The following YEATS2 variants were observed in gnomAD, a reference collection of about 807,000 sequenced individuals.
YEATS2 encodes the protein YEATS domain containing 2, also known as YEATS domain-containing protein 2.
YEATS2 carries 77 observed loss-of-function variants against 163.2 expected under a neutral mutation model. That is an observed-to-expected ratio of 0.47 (90% CI 0.39 to 0.57). YEATS2 has a LOEUF of 0.57. Among genes scored for constraint, YEATS2 ranks in the 20% least tolerant of loss-of-function variants. YEATS2 has a pLI of 0.00. For synonymous variants in YEATS2, 631 were observed against 645.1 expected (o/e 0.98, Z 0.33); for missense variants, 1,549 against 1,729.8 (o/e 0.90, Z 1.85).
chr3:183,725,862 G>A (rs1237008358), intron 6 of YEATS2, among the ~76,000 whole-genome samples: 2 of 152,172 alleles, frequency 1.3e-5, no homozygotes, highest in Admixed American at 1.3e-4. Context: ...TGAAATGGGA[G>A]GATGTAAGTG....
At chr3:183,716,107 C>A (rs1268211416) in intron 2 of YEATS2, among the ~76,000 whole-genome samples, 1 of 151,968 alleles carries the variant, frequency 6.6e-6, no homozygotes, top group Non-Finnish European at 1.5e-5. Context: ...CTACAGGCAC[C>A]CGCCACCACG....
intron 7 of YEATS2, among the ~76,000 whole-genome samples, chr3:183,735,501 A>G (rs1455015291): frequency 6.6e-6 from 1 of 152,052 alleles, no homozygotes; most frequent in Non-Finnish European, 1.5e-5. Flanking sequence ...GGTATTTATT[A>G]ATTTCTCTGC....
intron 2 of YEATS2, among the ~76,000 whole-genome samples, 160 bp downstream of exon 2, chr3:183,715,422 G>A (rs1715742771): frequency 6.6e-6 from 1 of 152,178 alleles, no homozygotes; most frequent in Non-Finnish European, 1.5e-5. Context: ...AATACACCAT[G>A]TGTGCTGTAA....
At position 183,804,089 on chromosome 3, in the gene YEATS2, T is replaced by TGG. The variant is rs1725946753; in HGVS notation, c.3686_3687dup (p.Cys1230GlyfsTer15). On this transcript the variant is annotated frameshift_variant, in exon 27 of 31. Coordinates refer to ENST00000305135, the MANE Select transcript of YEATS2 (RefSeq NM_018023.5). LOFTEE classifies it high-confidence loss of function. ...CCTCAAAACCAAGCACATCGCTCAC[T>TGG]GGTGCCGCTGTCATGGCTACACCCC... 6.2e-7 allele frequency: 1 copy of TGG among 1,614,040 alleles called. No individual in the cohort carries two copies. Among genetic ancestry groups the TGG allele is most frequent in the Non-Finnish European group, 8.5e-7 (1 of 1,180,042 alleles).
intron 1 of YEATS2, among the ~76,000 whole-genome samples, chr3:183,708,467 T>G (rs925970186): frequency 1.2e-4 from 19 of 152,214 alleles, no homozygotes; most frequent in Admixed American, 8.5e-4. Flanking sequence ...AGCTAAGACC[T>G]CGAATTTCCA....
At chr3:183,800,706 A>G (rs912361178) in intron 24 of YEATS2, 138 bp downstream of exon 24, 1 of 652,166 alleles carries the variant, frequency 1.5e-6, no homozygotes, top group African/African-American at 1.8e-5. Flanking sequence ...TGCAGTGGAC[A>G]AGTGTTACCA....
intron 1 of YEATS2, among the ~76,000 whole-genome samples, chr3:183,702,207 G>A (rs546176460): frequency 6.6e-6 from 1 of 152,176 alleles, no homozygotes; most frequent in Non-Finnish European, 1.5e-5. Flanking sequence ...CACTTTGGGA[G>A]GCCAAGGCGG....
rs1350908710 is a variant in YEATS2, at chr3:183,775,974, G to A, written c.2428G>A (p.Gly810Arg). The A allele has an allele frequency of 6.2e-7, 1 of 1,609,048 alleles. No individual in the cohort carries two copies. The highest frequency in any genetic ancestry group is 8.5e-7 in the Non-Finnish European group (1 of 1,177,230). The change falls in exon 18 of 31, where the codon GGA becomes AGA. Residue 810 changes from glycine to arginine, a missense_variant. Physicochemically the swap from Gly to Arg is moderately radical, Grantham distance 125. Transcript: ENST00000305135. ...GSGAGGGGGG[G>R]GGGGSGSGGG... is the part of the protein sequence containing the mutation. ...TGGTGCCGGAGGAGGAGGAGGAGGA[G>A]GAGGAGGAGGCGGCAGTGGCAGCGG...
chr3:183,700,037 TATTG>T (rs1233087909), intron 1 of YEATS2, among the ~76,000 whole-genome samples: 2 of 152,314 alleles, frequency 1.3e-5, no homozygotes, highest in African/African-American at 4.8e-5. Flanking sequence ...TTTTTTCATT[TATTG>T]ATTACTAGTA....
intron 6 of YEATS2, among the ~76,000 whole-genome samples, chr3:183,727,774 G>A (rs1294072035): frequency 6.6e-6 from 1 of 152,158 alleles, no homozygotes; most frequent in Admixed American, 6.5e-5. Context: ...TCAGAGGGCA[G>A]GAAACTAGGT....
At chr3:183,776,334 A>T (rs192728298) in intron 18 of YEATS2, among the ~76,000 whole-genome samples, 1 of 152,028 alleles carries the variant, frequency 6.6e-6, no homozygotes, top group South Asian at 2.1e-4. Context: ...GCTTGAGCCC[A>T]GGAGTTCGAG....
At chr3:183,751,035 A>G (rs1394133639) in intron 9 of YEATS2, among the ~76,000 whole-genome samples, 1 of 152,188 alleles carries the variant, frequency 6.6e-6, no homozygotes, top group Non-Finnish European at 1.5e-5. Flanking sequence ...ATTCAGTGTC[A>G]TGAAGCTTTT....
intron 8 of YEATS2, 86 bp downstream of exon 8, chr3:183,736,915 C>G: frequency 8.4e-7 from 1 of 1,190,200 alleles, no homozygotes; most frequent in Non-Finnish European, 1.2e-6. Context: ...CGGTTAAGGA[C>G]CCCCTCGCAT....
intron 15 of YEATS2, among the ~76,000 whole-genome samples, chr3:183,767,717 A>G (rs1425843477): frequency 1.3e-5 from 2 of 151,314 alleles, no homozygotes; most frequent in Non-Finnish European, 2.9e-5. Flanking sequence ...GGGTTTTACC[A>G]TGTTCATCAC....
chr3:183,728,445 T>A (rs904195236), intron 6 of YEATS2, among the ~76,000 whole-genome samples: 13 of 152,232 alleles, frequency 8.5e-5, no homozygotes, highest in Admixed American at 2.0e-4. Context: ...TCCTCCCGTT[T>A]CAGCCTCCTG....
chr3:183,798,519 AATTTTC>A (rs1725372240), intron 22 of YEATS2, among the ~76,000 whole-genome samples: 2 of 151,854 alleles, frequency 1.3e-5, no homozygotes, highest in Admixed American at 6.6e-5. Flanking sequence ...ACGCCTGGCT[AATTTTC>A]GTATTTTTAG....
At chr3:183,771,937 G>A (rs199787593) in intron 15 of YEATS2, among the ~76,000 whole-genome samples, 1 of 151,938 alleles carries the variant, frequency 6.6e-6, no homozygotes, top group Admixed American at 6.6e-5. Context: ...ATGTTGGCCA[G>A]GCTGGTCTCG....
chr3:183,805,758 C>T (rs577223981), intron 27 of YEATS2, among the ~76,000 whole-genome samples: 7 of 151,998 alleles, frequency 4.6e-5, no homozygotes, highest in East Asian at 3.9e-4. Context: ...CACTCCTCTC[C>T]AGCTTGGGTG....
intron 27 of YEATS2, among the ~76,000 whole-genome samples, chr3:183,804,638 G>C (rs997135085): frequency 6.6e-6 from 1 of 152,214 alleles, no homozygotes; most frequent in African/African-American, 2.4e-5. Context: ...CAGTGCGGGA[G>C]GCACTTGTGA....
Sources: gnomAD v4.1 joint callset for allele counts (sites outside exome capture counted in the v4.1 genomes callset) on GRCh38, gnomAD v4.1.1 for gene constraint, MANE v1.5 for transcripts, NCBI Gene and HGNC (gene_info 2026-07-23, HGNC 2026-07-21) for gene names.